Variants in RUFY2 observed in about 807,000 individuals in gnomAD.
RUFY2 encodes RUN and FYVE domain-containing protein 2.
Under a neutral mutation model 94.4 loss-of-function variants are expected in RUFY2, and 49 were observed. The observed-to-expected ratio is 0.52, with a 90% CI of 0.41 to 0.66. The LOEUF is 0.66. RUFY2 is among the 30% of genes least tolerant of loss of function. The pLI is 0.00. For synonymous variants in RUFY2, 255 were observed against 235.7 expected (o/e 1.08, Z -0.75); for missense variants, 541 against 692.8 (o/e 0.78, Z 2.46).
Position 68,343,924 on chromosome 10 carries a change from C to T in RUFY2, c.*1844G>A, listed in dbSNP as rs1348478082. On this transcript the variant is annotated 3_prime_UTR_variant, in exon 18 of 18. Transcript: ENST00000602465. ...TCATGGTTTGTTGAATGAAATTAGC[C>T]TTGGAATTTAAGCAACTTAAGTCAC... is the stretch of plus-strand genomic sequence containing the variant. The T allele has an allele frequency of 6.6e-6, 1 of 151,520 alleles. No individual in the cohort carries two copies. The highest frequency in any genetic ancestry group is 1.9e-4 in the East Asian group (1 of 5,186). 9.4% of individuals were successfully genotyped at this position (151,520 alleles called of 1,614,324 possible).
rs1564801460 is a variant in RUFY2, at chr10:68,366,761, A to ATATAT, written c.1326-2649_1326-2648insATATA. Reference sequence around the variant, plus strand: ...TAAAATATATATATATATATATATAATATTAAATATATTAAATAAATAATT... The same window carrying ATATAT: ...TAAAATATATATATATATATATATAATATATTATTAAATATATTAAATAAATAATT... On this transcript the variant is annotated intron_variant, in intron 13 of 17. Coordinates refer to ENST00000602465, the MANE Select transcript of RUFY2 (RefSeq NM_001330103.2). Among the ~76,000 whole-genome samples, 451 of 120,700 alleles carry ATATAT rather than the reference A, an allele frequency of 3.7e-3. 6 individuals carry two copies. The highest frequency in any genetic ancestry group is 0.012 in the African/African-American group (433 of 34,934). 79.2% of individuals were successfully genotyped at this position (120,700 alleles called of 152,430 possible). A position where few individuals can be genotyped will look rare whatever the true frequency, so the allele number is the denominator to read the frequency against.
At chr10:68,357,018 T>G (rs1488433802) in intron 15 of RUFY2, among the ~76,000 whole-genome samples, 5 of 151,268 alleles carry the variant, frequency 3.3e-5, no homozygotes, top group Non-Finnish European at 7.4e-5. Flanking sequence ...ACCAAAAAAA[T>G]TAGCTGGGCG....
At chr10:68,365,745 T>C (rs1157044635) in intron 13 of RUFY2, among the ~76,000 whole-genome samples, 1 of 152,192 alleles carries the variant, frequency 6.6e-6, no homozygotes, top group Non-Finnish European at 1.5e-5. Context: ...TCAAGTAGCC[T>C]ATGATAAAAC....
rs1349437071 is a variant in RUFY2 at position 68,366,235 on chromosome 10, C to T, written c.1326-2122G>A. Among the ~76,000 whole-genome samples the T allele has an allele frequency of 5.6e-5, 8 of 142,578 alleles. No homozygotes were observed. The Admixed American group carries it at 6.2e-4, about 11-fold the overall frequency. 93.5% of individuals were successfully genotyped at this position (142,578 alleles called of 152,430 possible). On this transcript the variant is annotated intron_variant, in intron 13 of 17. Transcript: ENST00000602465. ...CCAGCTACTACTTGGAAGGCTGAGG[C>T]AGAAGAATTGCTTGGACCCGGGAGG...
At chr10:68,393,691 T>C (rs1169258384) in intron 6 of RUFY2, 5 of 222,160 alleles carry the variant, frequency 2.3e-5, no homozygotes, top group Non-Finnish European at 4.3e-5. Context: ...ATAGAACCAC[T>C]GCACTCCAGC....
downstream of RUFY2, chr10:68,342,400 T>C (rs2046020185): frequency 1.6e-5 from 3 of 189,386 alleles, no homozygotes; most frequent in South Asian, 3.4e-4. Context: ...AGGATAATGG[T>C]TCACCTCTGC....
chr10:68,398,152 T>G (rs1398307466), intron 3 of RUFY2, among the ~76,000 whole-genome samples: 1 of 146,118 alleles, frequency 6.8e-6, no homozygotes, highest in African/African-American at 2.6e-5. Context: ...AAAAAAAAAT[T>G]CTACAATAAG....
intron 7 of RUFY2, among the ~76,000 whole-genome samples, chr10:68,387,767 G>A (rs918921906): frequency 1.3e-5 from 2 of 152,138 alleles, no homozygotes; most frequent in Admixed American, 1.3e-4. Context: ...CACTTTGGGA[G>A]GCCGAGGCGG....
At chr10:68,397,152 T>A (rs1047766381) in intron 3 of RUFY2, among the ~76,000 whole-genome samples, 3 of 152,122 alleles carry the variant, frequency 2.0e-5, no homozygotes, top group African/African-American at 7.2e-5. Context: ...TTCAGAAAAA[T>A]GCGTTGTTAG....
rs1388430788 is a variant in RUFY2, at chr10:68,394,104, C to T, written c.555G>A (p.Lys185=). The T allele has an allele frequency of 2.0e-6, 3 of 1,502,878 alleles. No homozygotes were observed. The highest frequency in any genetic ancestry group is 4.7e-5 in the East Asian group (2 of 42,550). 93.1% of individuals were successfully genotyped at this position (1,502,878 alleles called of 1,614,324 possible). A position where few individuals can be genotyped will look rare whatever the true frequency, so the allele number is the denominator to read the frequency against. The change falls in exon 6 of 18, where the codon AAG becomes AAA. Residue 185 remains lysine, a synonymous_variant. Coordinates refer to ENST00000602465, the MANE Select transcript of RUFY2 (RefSeq NM_001330103.2). ...VGVIDFSMYL[K]NEEDIGNKER... is the part of the protein sequence containing the mutation. ...CTTTATTTCCAATATCTTCTTCATT[C>T]TTTAAATACATAGAAAAATCAATCA...
chr10:68,358,221 A>C lies in RUFY2; in HGVS notation c.1551-2820T>G, dbSNP rs2047191056. ...CAAACAAACAAACAAACAACAACAA[A>C]AAAATTGGAATGACTAAAACATTAG... is the stretch of plus-strand genomic sequence containing the variant. On this transcript the variant is annotated intron_variant, in intron 15 of 17. Coordinates refer to ENST00000602465, the MANE Select transcript of RUFY2 (RefSeq NM_001330103.2). Among the ~76,000 whole-genome samples, 6 of 152,136 alleles carry C rather than the reference A, an allele frequency of 3.9e-5. No individual in the cohort carries two copies. The South Asian group carries it at 6.2e-4, about 16-fold the overall frequency.
At chr10:68,393,295 A>T in intron 6 of RUFY2, 92 bp from the exon 7 acceptor site, 1 of 602,416 alleles carries the variant, frequency 1.7e-6, no homozygotes, top group Non-Finnish European at 2.8e-6. Flanking sequence ...TATAAAACTA[A>T]AATAATAAAA....
chr10:68,393,648 G>T (rs545723188), intron 6 of RUFY2: 1 of 189,834 alleles, frequency 5.3e-6, no homozygotes, highest in Non-Finnish European at 1.1e-5. Flanking sequence ...AGAATCGCTT[G>T]AACCCAGGAG....
At chr10:68,365,216 T>C (rs2047721734) in intron 13 of RUFY2, among the ~76,000 whole-genome samples, 1 of 152,208 alleles carries the variant, frequency 6.6e-6, no homozygotes, top group African/African-American at 2.4e-5. Context: ...TTACAAATTA[T>C]TGATAAATAC....
At chr10:68,369,767 T>C (rs979224114) in intron 13 of RUFY2, among the ~76,000 whole-genome samples, 4 of 150,398 alleles carry the variant, frequency 2.7e-5, no homozygotes, top group Non-Finnish European at 4.4e-5. Context: ...ATAAGAAAAA[T>C]AATAAATAAA....
chr10:68,402,836 T>C (rs954677251), intron 2 of RUFY2, among the ~76,000 whole-genome samples: 9 of 144,212 alleles, frequency 6.2e-5, no homozygotes, highest in South Asian at 2.2e-4. Flanking sequence ...CTCCAAGCCA[T>C]ATCTTTTTTT....
At chr10:68,353,123 A>G (rs1052159486) in intron 16 of RUFY2, among the ~76,000 whole-genome samples, 1 of 152,076 alleles carries the variant, frequency 6.6e-6, no homozygotes, top group Non-Finnish European at 1.5e-5. Flanking sequence ...ACCTGAGGTC[A>G]GGAGTTTGAG....
intron 15 of RUFY2, among the ~76,000 whole-genome samples, chr10:68,357,275 C>G (rs2132402980): frequency 6.6e-6 from 1 of 151,230 alleles, no homozygotes; most frequent in Non-Finnish European, 1.5e-5. Context: ...TTCACTCAGG[C>G]TGGAATGCAG....
chr10:68,364,168 T>C (rs1250400260), intron 13 of RUFY2, 55 bp from the exon 14 acceptor site: 1 of 1,512,034 alleles, frequency 6.6e-7, no homozygotes, highest in Non-Finnish European at 8.9e-7. Flanking sequence ...ACGACAGTTG[T>C]TATGTATTCT....
Sources: allele counts gnomAD v4.1 joint callset (sites outside exome capture counted in the v4.1 genomes callset), GRCh38; gene constraint gnomAD v4.1.1; transcripts MANE v1.5; gene names NCBI Gene and HGNC (gene_info 2026-07-23, HGNC 2026-07-21).